The following LDLRAD4 variants were observed in gnomAD, a reference collection of about 807,000 sequenced individuals.
LDLRAD4 encodes the protein low density lipoprotein receptor class A domain containing 4.
LDLRAD4 carries 5 observed loss-of-function variants against 17.0 expected under a neutral mutation model. That is an observed-to-expected ratio of 0.29 (90% CI 0.15 to 0.62). LDLRAD4 has a LOEUF of 0.62. Among genes scored for constraint, LDLRAD4 ranks in the 20% least tolerant of loss-of-function variants. LDLRAD4 has a pLI of 0.84. For synonymous variants in LDLRAD4, 168 were observed against 171.8 expected (o/e 0.98, Z 0.17); for missense variants, 340 against 424.7 (o/e 0.80, Z 1.75).
chr18:13,232,528 A>G (rs2042130935), intron 1 of LDLRAD4, among the ~76,000 whole-genome samples: 1 of 147,022 alleles, frequency 6.8e-6, no homozygotes, highest in African/African-American at 2.6e-5. Context: ...CTCCGTGTAA[A>G]TCGCCTTCCT....
chr18:13,626,015 G>A (rs1022283221), intron 4 of LDLRAD4, among the ~76,000 whole-genome samples: 1 of 151,800 alleles, frequency 6.6e-6, no homozygotes, highest in African/African-American at 2.4e-5. Context: ...TGTGTCCCAG[G>A]GGGGCCCAAG....
chr18:13,249,071 A>ACAT (rs113165091), intron 1 of LDLRAD4, among the ~76,000 whole-genome samples: 7,505 of 152,266 alleles, frequency 0.049, 493 homozygotes, highest in African/African-American at 0.15. Context: ...TGTTGCTGCA[A>ACAT]ATGATGGCTT....
At chr18:13,644,167 AT>A (rs1234593362) in intron 5 of LDLRAD4, among the ~76,000 whole-genome samples, 1 of 152,172 alleles carries the variant, frequency 6.6e-6, no homozygotes, top group Non-Finnish European at 1.5e-5. Context: ...TTTGGGGGGA[AT>A]TTGTTAAAAA....
At chr18:13,638,829 T>C (rs1012244529) in intron 4 of LDLRAD4, among the ~76,000 whole-genome samples, 2 of 152,204 alleles carry the variant, frequency 1.3e-5, no homozygotes, top group East Asian at 1.9e-4. Context: ...GCAGAGCCCC[T>C]GTCTCCCAGC....
intron 1 of LDLRAD4, among the ~76,000 whole-genome samples, chr18:13,318,573 A>G (rs1363868950): frequency 1.3e-5 from 2 of 152,222 alleles, no homozygotes; most frequent in Non-Finnish European, 2.9e-5. Flanking sequence ...AAAATAGAAT[A>G]AATGCCCATC....
At chr18:13,571,722 C>T (rs779469127) in intron 3 of LDLRAD4, among the ~76,000 whole-genome samples, 1 of 152,234 alleles carries the variant, frequency 6.6e-6, no homozygotes, top group Non-Finnish European at 1.5e-5. Context: ...CTGCAAGCTC[C>T]GCCTCCCGGG....
At chr18:13,334,957 T>C (rs1347611879) in intron 1 of LDLRAD4, among the ~76,000 whole-genome samples, 1 of 152,210 alleles carries the variant, frequency 6.6e-6, no homozygotes, top group Non-Finnish European at 1.5e-5. Flanking sequence ...CTCATTTACA[T>C]TATTGATATG....
intron 3 of LDLRAD4, among the ~76,000 whole-genome samples, chr18:13,531,544 C>T (rs1303363760): frequency 2.0e-5 from 3 of 150,482 alleles, no homozygotes; most frequent in African/African-American, 4.9e-5. Context: ...GAGATATGAC[C>T]GCACCACTGC....
chr18:13,352,100 G>A (rs2083072087), intron 1 of LDLRAD4, among the ~76,000 whole-genome samples: 1 of 152,104 alleles, frequency 6.6e-6, no homozygotes, highest in Non-Finnish European at 1.5e-5. Flanking sequence ...ACTATGTCTT[G>A]ATGTAACATA....
chr18:13,509,827 A>G lies in LDLRAD4; in HGVS notation c.181+71443A>G, dbSNP rs539025783. 2.6e-5 allele frequency among the ~76,000 whole-genome samples: 4 copies of G among 152,334 alleles called. No homozygotes were observed. The East Asian group carries it at 7.7e-4, about 29-fold the overall frequency. Reference sequence around the variant, plus strand: ...GCTACCCCAGCCTTCAGCAACCACCACTGTGATCATTCAGCAGCCGTCAAC... The same window carrying G: ...GCTACCCCAGCCTTCAGCAACCACCGCTGTGATCATTCAGCAGCCGTCAAC... On this transcript the variant is annotated intron_variant, in intron 3 of 5. Transcript: ENST00000359446.
chr18:13,534,107 C>A (rs573503420), intron 3 of LDLRAD4, among the ~76,000 whole-genome samples: 35 of 152,306 alleles, frequency 2.3e-4, no homozygotes, highest in African/African-American at 8.4e-4. Flanking sequence ...CACAAAAACT[C>A]CTGGTGGTTT....
intron 3 of LDLRAD4, among the ~76,000 whole-genome samples, chr18:13,463,079 T>C (rs572586250): frequency 6.6e-6 from 1 of 152,076 alleles, no homozygotes; most frequent in South Asian, 2.1e-4. Flanking sequence ...AGACCAAGAA[T>C]CTCCACGAAA....
chr18:13,629,227 T>G (rs2041446014), intron 4 of LDLRAD4, among the ~76,000 whole-genome samples: 1 of 152,212 alleles, frequency 6.6e-6, no homozygotes, highest in Non-Finnish European at 1.5e-5. Context: ...GAGCAAATAG[T>G]TTTGCTCTTG....
chr18:13,277,828 A>G (rs918939161), upstream of LDLRAD4, among the ~76,000 whole-genome samples: 4 of 152,210 alleles, frequency 2.6e-5, no homozygotes, highest in African/African-American at 9.6e-5. Context: ...CTCTGCAGGA[A>G]CAAGCGTGTG....
intron 3 of LDLRAD4, among the ~76,000 whole-genome samples, chr18:13,564,681 A>AC (rs1371006024): frequency 7.5e-6 from 1 of 132,552 alleles, no homozygotes; most frequent in Non-Finnish European, 1.6e-5. Context: ...CAGACCCACG[A>AC]CCCCGCCTCT....
At chr18:13,253,550 T>A (rs546637724) in intron 1 of LDLRAD4, among the ~76,000 whole-genome samples, 9 of 152,272 alleles carry the variant, frequency 5.9e-5, no homozygotes. Flanking sequence ...TCGGATTGAT[T>A]ATGACACATG....
chr18:13,355,044 A>G (rs1322617958), intron 1 of LDLRAD4, among the ~76,000 whole-genome samples: 1 of 152,228 alleles, frequency 6.6e-6, no homozygotes, highest in Non-Finnish European at 1.5e-5. Flanking sequence ...CCTGTTTGAC[A>G]TGTTGGTCAT....
chr18:13,619,540 T>TAAG (rs1274680830), intron 3 of LDLRAD4, among the ~76,000 whole-genome samples: 1 of 147,412 alleles, frequency 6.8e-6, no homozygotes, highest in East Asian at 2.0e-4. Context: ...GTGGCACATA[T>TAAG]AAGTGTGGCA....
At chr18:13,608,247 C>T (rs939230495) in intron 3 of LDLRAD4, among the ~76,000 whole-genome samples, 1 of 151,924 alleles carries the variant, frequency 6.6e-6, no homozygotes, top group African/African-American at 2.4e-5. Flanking sequence ...GTTAGAACGG[C>T]GATCACTATT....
Sources: allele counts gnomAD v4.1 joint callset (sites outside exome capture counted in the v4.1 genomes callset), GRCh38; gene constraint gnomAD v4.1.1; transcripts MANE v1.5; gene names NCBI Gene and HGNC (gene_info 2026-07-23, HGNC 2026-07-21).